Variants in SLC25A21 observed in about 807,000 individuals in gnomAD.
SLC25A21 encodes solute carrier family 25 member 21, also known as mitochondrial 2-oxodicarboxylate carrier.
SLC25A21 carries 47 observed loss-of-function variants against 43.8 expected under a neutral mutation model. That is an observed-to-expected ratio of 1.07 (90% CI 0.85 to 1.37). The LOEUF (loss-of-function observed/expected upper bound fraction) is 1.37, where lower values mean the gene tolerates loss of function less well. Among genes scored for constraint, SLC25A21 ranks in the 40% most tolerant of loss-of-function variants. The pLI, the probability that SLC25A21 is intolerant of heterozygous loss-of-function variation, is 0.00. For synonymous variants in SLC25A21, 131 were observed against 121.3 expected, an observed-to-expected ratio of 1.08 and a Z score of -0.52; for missense variants, 352 against 350.2, an observed-to-expected ratio of 1.00 and a Z score of -0.04.
At chr14:36,811,002 G>C (rs1411916813) in intron 3 of SLC25A21, among the ~76,000 whole-genome samples, 2 of 85,132 alleles carry the variant, frequency 2.3e-5, no homozygotes, top group East Asian at 7.6e-4. Flanking sequence ...AAATGAAGAG[G>C]GATAGTTTCT....
At chr14:37,161,114 G>A (rs1566922740) in intron 1 of SLC25A21, among the ~76,000 whole-genome samples, 1 of 151,992 alleles carries the variant, frequency 6.6e-6, no homozygotes, top group Non-Finnish European at 1.5e-5. Context: ...AATATCCTGA[G>A]TTGATCACTA....
intron 1 of SLC25A21, among the ~76,000 whole-genome samples, chr14:37,149,863 A>C (rs565084453): frequency 6.6e-6 from 1 of 152,312 alleles, no homozygotes; most frequent in South Asian, 2.1e-4. Context: ...ATTATTTAAA[A>C]ATTTTTTAAA....
chr14:37,072,863 C>T (rs534620330), intron 1 of SLC25A21, among the ~76,000 whole-genome samples: 127 of 152,310 alleles, frequency 8.3e-4, no homozygotes, highest in African/African-American at 2.9e-3. Flanking sequence ...GTCCTTTCAG[C>T]CACATATACA....
intron 2 of SLC25A21, among the ~76,000 whole-genome samples, chr14:36,856,343 TC>T (rs1171180318): frequency 6.6e-6 from 1 of 152,182 alleles, no homozygotes. Flanking sequence ...TATCCTGACC[TC>T]ATTCTTTGAT....
chr14:36,847,346 C>T (rs933378942), intron 2 of SLC25A21, among the ~76,000 whole-genome samples: 3 of 152,126 alleles, frequency 2.0e-5, no homozygotes, highest in Non-Finnish European at 2.9e-5. Context: ...TCAATGTCTA[C>T]AGCCTAAAAC....
At chr14:37,164,572 A>AC (rs1566925527) in intron 1 of SLC25A21, among the ~76,000 whole-genome samples, 1 of 152,170 alleles carries the variant, frequency 6.6e-6, no homozygotes, top group East Asian at 1.9e-4. Context: ...AACCTTGATT[A>AC]CCCCCTGGTG....
At chr14:36,820,773 C>T (rs774680894) in intron 2 of SLC25A21, among the ~76,000 whole-genome samples, 1 of 152,112 alleles carries the variant, frequency 6.6e-6, no homozygotes, top group Non-Finnish European at 1.5e-5. Context: ...AAGTTGTATA[C>T]TGATAATAAG....
At chr14:36,931,846 T>A (rs1328057171) in intron 1 of SLC25A21, among the ~76,000 whole-genome samples, 3 of 152,180 alleles carry the variant, frequency 2.0e-5, no homozygotes, top group Non-Finnish European at 4.4e-5. Context: ...CTTATGTGAA[T>A]GGAGATGGCA....
At chr14:36,771,753 AT>A (rs1209570976) in intron 3 of SLC25A21, among the ~76,000 whole-genome samples, 9 of 113,862 alleles carry the variant, frequency 7.9e-5, no homozygotes, top group Non-Finnish European at 1.6e-4. Flanking sequence ...AGCAAGAAAC[AT>A]AAAAAAAAAA....
rs1021245583 is a variant in SLC25A21 at position 36,814,831 on chromosome 14, A to G, written c.120-830T>C. 4.6e-5 allele frequency among the ~76,000 whole-genome samples: 7 copies of G among 152,204 alleles called. 1 individual carries two copies. The highest frequency in any genetic ancestry group is 1.0e-4 in the Non-Finnish European group (7 of 68,042). On this transcript the variant is annotated intron_variant, in intron 2 of 9. Transcript: ENST00000331299. The stretch of plus-strand genomic sequence containing the variant: ...ATCCCATTACCGGGTATATACCCAA[A>G]GGATTAGAAATCATTCTACTATAAA...
chr14:36,827,818 T>C (rs1277039252), intron 2 of SLC25A21, among the ~76,000 whole-genome samples: 1 of 152,174 alleles, frequency 6.6e-6, no homozygotes, highest in Non-Finnish European at 1.5e-5. Flanking sequence ...AGCTATGTGG[T>C]TTCTGAAAAT....
At chr14:36,878,931 C>A (rs1483215651) in intron 1 of SLC25A21, among the ~76,000 whole-genome samples, 2 of 152,072 alleles carry the variant, frequency 1.3e-5, no homozygotes, top group African/African-American at 4.8e-5. Context: ...AACCACCAAC[C>A]ATAGTAACAC....
chr14:37,139,894 G>A (rs8019446), intron 1 of SLC25A21, among the ~76,000 whole-genome samples: 13 of 152,116 alleles, frequency 8.5e-5, no homozygotes, highest in African/African-American at 3.1e-4. Context: ...AGATGAATAC[G>A]CATTAAAAAT....
intron 1 of SLC25A21, among the ~76,000 whole-genome samples, chr14:36,930,981 T>C (rs1161919059): frequency 6.6e-6 from 1 of 152,134 alleles, no homozygotes; most frequent in African/African-American, 2.4e-5. Flanking sequence ...AAAATTCAGC[T>C]TAGAAATGAC....
chr14:36,710,383 A>G (rs1472607784), intron 7 of SLC25A21, among the ~76,000 whole-genome samples: 1 of 123,830 alleles, frequency 8.1e-6, no homozygotes, highest in Non-Finnish European at 1.7e-5. Context: ...CCAAGAAAAA[A>G]AAAGAAAAGA....
At chr14:36,940,302 C>T (rs181188962) in intron 1 of SLC25A21, among the ~76,000 whole-genome samples, 1 of 151,898 alleles carries the variant, frequency 6.6e-6, no homozygotes, top group Non-Finnish European at 1.5e-5. Context: ...GGAAATGACA[C>T]TATGTTTATT....
chr14:36,867,898 G>A (rs376069088), intron 2 of SLC25A21, among the ~76,000 whole-genome samples: 2 of 151,870 alleles, frequency 1.3e-5, no homozygotes, highest in African/African-American at 4.8e-5. Context: ...AAGGCACAGA[G>A]GAGATAACTT....
At chr14:37,041,519 G>A (rs1297055206) in intron 1 of SLC25A21, among the ~76,000 whole-genome samples, 1 of 152,116 alleles carries the variant, frequency 6.6e-6, no homozygotes, top group East Asian at 1.9e-4. Context: ...TACAGCAATT[G>A]GTTTAGAAGT....
chr14:36,783,395 C>A (rs1421587683), intron 3 of SLC25A21, among the ~76,000 whole-genome samples: 2 of 152,048 alleles, frequency 1.3e-5, no homozygotes, highest in Non-Finnish European at 2.9e-5. Flanking sequence ...CCATGCATGG[C>A]CCTTTGTTGA....
Sources: allele counts gnomAD v4.1 joint callset (sites outside exome capture counted in the v4.1 genomes callset), GRCh38; gene constraint gnomAD v4.1.1; transcripts MANE v1.5; gene names NCBI Gene and HGNC (gene_info 2026-07-23, HGNC 2026-07-21).